Variants in CNNM4 observed in about 807,000 individuals in gnomAD.
The protein encoded by CNNM4 is cyclin and CBS domain divalent metal cation transport mediator 4.
A neutral mutation model predicts 53.7 loss-of-function variants in CNNM4; 32 were observed. The ratio of observed to expected loss-of-function variants is 0.60; its 90% CI spans 0.45 to 0.80. CNNM4 has a LOEUF of 0.80. CNNM4 is among the 30% of genes least tolerant of loss of function. The probability of loss-of-function intolerance (pLI) is 0.00; values close to 1 mark genes in which losing one functional copy is unlikely to be tolerated. For synonymous variants in CNNM4, 410 were observed against 440.0 expected, an observed-to-expected ratio of 0.93 and a Z score of 0.85; for missense variants, 784 against 1,022.0, an observed-to-expected ratio of 0.77 and a Z score of 3.17.
Position 96,773,676 on chromosome 2 carries a change from C to T in CNNM4, c.1402+11275C>T, listed in dbSNP as rs928512119. ...TGGCCAACATGGTGAAATGCTGTCT[C>T]TACTAAAAGTACAAAAATTAGCTGG... On this transcript the variant is annotated intron_variant, in intron 1 of 6. Coordinates refer to ENST00000377075, the MANE Select transcript of CNNM4 (RefSeq NM_020184.4). Among the ~76,000 whole-genome samples the T allele has an allele frequency of 9.9e-5, 15 of 152,122 alleles. No individual in the cohort carries two copies. In the East Asian group the frequency reaches 2.9e-3, roughly 29 times the overall value.
intron 1 of CNNM4, among the ~76,000 whole-genome samples, chr2:96,765,700 C>G (rs1311518454): frequency 6.6e-6 from 1 of 152,154 alleles, no homozygotes; most frequent in Non-Finnish European, 1.5e-5. Context: ...AGAGACGGGT[C>G]TCCAGTAAGT....
chr2:96,793,146 C>A (rs960420183), intron 1 of CNNM4, among the ~76,000 whole-genome samples: 1 of 151,908 alleles, frequency 6.6e-6, no homozygotes, highest in Non-Finnish European at 1.5e-5. Flanking sequence ...GAGGGCTGTG[C>A]CCTGGAAGCC....
chr2:96,789,586 A>G (rs1428920269), intron 1 of CNNM4, among the ~76,000 whole-genome samples: 1 of 152,204 alleles, frequency 6.6e-6, no homozygotes, highest in Admixed American at 6.5e-5. Context: ...GGGTGCCAGG[A>G]ACCTTCTTTC....
Position 96,767,390 on chromosome 2 carries a change from G to C in CNNM4, c.1402+4989G>C, listed in dbSNP as rs541037370. Among the ~76,000 whole-genome samples the C allele has an allele frequency of 1.4e-4, 21 of 152,250 alleles. No individual in the cohort carries two copies. In the South Asian group the frequency reaches 4.4e-3, roughly 32 times the overall value. ...GGAACTGTTTGCAGTACTGGGTGTT[G>C]TGGGTGGGTTTGTCCACCTTGGAAT... On this transcript the variant is annotated intron_variant, in intron 1 of 6. Transcript: ENST00000377075.
intron 1 of CNNM4, among the ~76,000 whole-genome samples, chr2:96,785,034 C>T (rs1558987800): frequency 2.0e-5 from 3 of 152,100 alleles, no homozygotes; most frequent in African/African-American, 4.8e-5. Context: ...GGCACCACCA[C>T]GCCCAGCTAA....
chr2:96,785,242 T>C (rs193281115), intron 1 of CNNM4, among the ~76,000 whole-genome samples: 4 of 152,340 alleles, frequency 2.6e-5, no homozygotes, highest in Non-Finnish European at 5.9e-5. Context: ...AAAACCTTTT[T>C]TTTTCTTTTT....
At position 96,761,398 on chromosome 2, in the gene CNNM4, G is replaced by A. The variant is rs34147094; in HGVS notation, c.399G>A (p.Val133=). ...GCGGGAACACGTCCGGCGTGCTGGT[G>A]GTGCTCACCAAGTTCCTCCGGAGGA... The part of the protein sequence containing the change: ...VSRGNTSGVL[V]VLTKFLRRSE... The change falls in exon 1 of 7, where the codon GTG becomes GTA. Residue 133 remains valine (V), a synonymous_variant. Coordinates refer to ENST00000377075, the MANE Select transcript of CNNM4 (RefSeq NM_020184.4). The surrounding 1 kb of genome is among the most constrained non-coding windows in gnomAD (Gnocchi z 6.0). 5,813 of 1,614,096 alleles carry A rather than the reference G, an allele frequency of 3.6e-3. 22 individuals are homozygous for A. The highest frequency in any genetic ancestry group is 3.9e-3 in the Admixed American group (233 of 60,030).
intron 1 of CNNM4, among the ~76,000 whole-genome samples, chr2:96,771,255 T>G (rs1212608734): frequency 1.3e-5 from 2 of 151,638 alleles, no homozygotes; most frequent in African/African-American, 4.9e-5. Flanking sequence ...GAGCCTGGAC[T>G]CCTTACTTCT....
intron 1 of CNNM4, among the ~76,000 whole-genome samples, chr2:96,787,067 C>A (rs2079022517): frequency 6.6e-6 from 1 of 152,180 alleles, no homozygotes; most frequent in Admixed American, 6.6e-5. Flanking sequence ...ATGTCTGAGT[C>A]AGCCTTTTTA....
intron 1 of CNNM4, among the ~76,000 whole-genome samples, chr2:96,789,641 C>T (rs1470206514): frequency 6.6e-6 from 1 of 152,090 alleles, no homozygotes; most frequent in Non-Finnish European, 1.5e-5. Context: ...TGGGGAGGCT[C>T]AGGAACCCTG....
chr2:96,782,256 A>T (rs2078981512), intron 1 of CNNM4, among the ~76,000 whole-genome samples: 2 of 152,010 alleles, frequency 1.3e-5, no homozygotes, highest in African/African-American at 2.4e-5. Flanking sequence ...TACTGAAAAT[A>T]AAAAAATTAG....
chr2:96,780,144 G>T (rs920510459), intron 1 of CNNM4, among the ~76,000 whole-genome samples: 1 of 152,056 alleles, frequency 6.6e-6, no homozygotes, highest in African/African-American at 2.4e-5. Flanking sequence ...CTGTGAACAC[G>T]ATGACCTTTT....
At chr2:96,803,051 T>A (rs1306504575) in intron 5 of CNNM4, among the ~76,000 whole-genome samples, 1 of 152,212 alleles carries the variant, frequency 6.6e-6, no homozygotes, top group Admixed American at 6.5e-5. Context: ...CCTTCTTCCA[T>A]CTGAACTGTT....
In CNNM4 at chr2:96,801,930, C is replaced by T. The variant is rs2079163083; in HGVS notation, c.1948+2282C>T. Among the ~76,000 whole-genome samples the T allele has an allele frequency of 6.6e-6, 1 of 151,296 alleles. No individual in the cohort carries two copies. The highest frequency in any genetic ancestry group is 6.6e-5 in the Admixed American group (1 of 15,188). The stretch of plus-strand genomic sequence containing the variant: ...CACATAGATACACCACTCATAGACA[C>T]ACAAACACACACCCATAGGCACACA... On this transcript the variant is annotated intron_variant, in intron 5 of 6. Coordinates refer to ENST00000377075, the MANE Select transcript of CNNM4 (RefSeq NM_020184.4). This position sits in a 1 kb window ranked among gnomAD's most constrained non-coding sequence, Gnocchi z 5.6.
chr2:96,798,990 A>G, intron 3 of CNNM4, 67 bp from the exon 4 acceptor site: 1 of 1,494,792 alleles, frequency 6.7e-7, no homozygotes, highest in Admixed American at 1.7e-5. Flanking sequence ...GTGGAGGCAC[A>G]GCAGTGATCG....
chr2:96,799,657 T>A lies in CNNM4; in HGVS notation c.1948+9T>A, dbSNP rs1281551491. 28 of 1,547,368 alleles carry A rather than the reference T, an allele frequency of 1.8e-5. No individual in the cohort carries two copies. Among genetic ancestry groups the A allele is most frequent in the Non-Finnish European group, 2.4e-5 (27 of 1,143,200 alleles). On this transcript the variant is annotated intron_variant, in intron 5 of 6. Coordinates refer to ENST00000377075, the MANE Select transcript of CNNM4 (RefSeq NM_020184.4). ...GACCTCGGTCCCCTCCGGTGAGTTG[T>A]TGGGCATGGTCTTTGCTGCCCTTTG...
chr2:96,793,059 T>C (rs144926038), intron 1 of CNNM4, among the ~76,000 whole-genome samples: 37 of 152,180 alleles, frequency 2.4e-4, no homozygotes, highest in African/African-American at 8.2e-4. Context: ...GGACCAGGTG[T>C]ACAGACTGAG....
Position 96,773,488 on chromosome 2 carries a change from T to C in CNNM4, c.1402+11087T>C, listed in dbSNP as rs550869379. ...TGGCAGGCTGCCCTGCTGTTCAGGG[T>C]GGTGTCATTTTTGGAATTATAAATA... On this transcript the variant is annotated intron_variant, in intron 1 of 6. Transcript: ENST00000377075. Among the ~76,000 whole-genome samples, 33 of 152,316 alleles carry C rather than the reference T, an allele frequency of 2.2e-4. No homozygotes were observed. The South Asian group carries it at 6.8e-3, about 32-fold the overall frequency.
Position 96,805,418 on chromosome 2 carries a change from GTTTTTTTT to G in CNNM4, c.1949-3129_1949-3122del, listed in dbSNP as rs898761608. On this transcript the variant is annotated intron_variant, in intron 5 of 6. Coordinates refer to ENST00000377075, the MANE Select transcript of CNNM4 (RefSeq NM_020184.4). ...GTTGTTATACCCTGGCTTCTTTTCAGTTTTTTTTTTTTTTTTTTTTTATTATTTTTTTT... is the reference window on the plus strand; with the variant it reads ...GTTGTTATACCCTGGCTTCTTTTCAGTTTTTTTTTTTTTATTATTTTTTTT... 9.5e-4 allele frequency among the ~76,000 whole-genome samples: 72 copies of G among 76,156 alleles called. 1 individual carries two copies. The highest frequency in any genetic ancestry group is 3.3e-3 in the African/African-American group (68 of 20,328). The allele number at this position is 76,156 out of a possible 152,430, so 50.0% of individuals were successfully genotyped here.
Sources: gnomAD v4.1 joint callset for allele counts (sites outside exome capture counted in the v4.1 genomes callset) on GRCh38, gnomAD v4.1.1 for gene constraint, Gnocchi (gnomAD v3.1) non-coding constraint, MANE v1.5 for transcripts, NCBI Gene and HGNC (gene_info 2026-07-23, HGNC 2026-07-21) for gene names.